GRID2: variants seen among roughly 807,000 people sequenced by gnomAD.
GRID2 encodes the protein glutamate ionotropic receptor delta type subunit 2, also known as glutamate receptor ionotropic, delta-2.
GRID2 carries 33 observed loss-of-function variants against 114.8 expected under a neutral mutation model. The observed-to-expected ratio is 0.29, with a 90% CI of 0.22 to 0.38. The LOEUF is 0.38. Ranked by LOEUF, GRID2 falls within the 10% of genes least tolerant of loss-of-function variation. The pLI, the probability that GRID2 is intolerant of heterozygous loss-of-function variation, is 1.00. For synonymous variants in GRID2, 505 were observed against 449.9 expected, an observed-to-expected ratio of 1.12 and a Z score of -1.55; for missense variants, 1,184 against 1,257.7, an observed-to-expected ratio of 0.94 and a Z score of 0.89.
chr4:92,814,269 A>C (rs2149381176), intron 2 of GRID2, among the ~76,000 whole-genome samples: 1 of 152,302 alleles, frequency 6.6e-6, no homozygotes, highest in East Asian at 1.9e-4. Context: ...ATTTGGAGAA[A>C]GTTTTACATA....
At chr4:92,652,429 G>T (rs1451539273) in intron 2 of GRID2, among the ~76,000 whole-genome samples, 1 of 151,630 alleles carries the variant, frequency 6.6e-6, no homozygotes, top group Non-Finnish European at 1.5e-5. Flanking sequence ...AATATTCCCA[G>T]AACTTTGGGA....
At chr4:92,465,843 C>G (rs184997180) in intron 1 of GRID2, among the ~76,000 whole-genome samples, 1 of 151,834 alleles carries the variant, frequency 6.6e-6, no homozygotes, top group Non-Finnish European at 1.5e-5. Flanking sequence ...TTGCATAAAT[C>G]CTGACTTATA....
intron 1 of GRID2, among the ~76,000 whole-genome samples, chr4:92,316,975 A>T (rs897791900): frequency 2.0e-5 from 3 of 152,200 alleles, no homozygotes; most frequent in African/African-American, 4.8e-5. Context: ...TTAAAAATAG[A>T]TGTCAGTAAT....
intron 14 of GRID2, among the ~76,000 whole-genome samples, chr4:93,748,520 A>C (rs1732039954): frequency 6.6e-6 from 1 of 152,298 alleles, no homozygotes; most frequent in Middle Eastern, 3.4e-3. Flanking sequence ...AATTAGTTGA[A>C]ACTTGTCTTT....
At chr4:92,350,271 T>C (rs183134694) in intron 1 of GRID2, among the ~76,000 whole-genome samples, 85 of 151,970 alleles carry the variant, frequency 5.6e-4, no homozygotes, top group African/African-American at 1.9e-3. Context: ...TGCTGTTTCC[T>C]CCAACAAATG....
chr4:93,647,223 A>T (rs373476593), intron 14 of GRID2, among the ~76,000 whole-genome samples: 1 of 152,184 alleles, frequency 6.6e-6, no homozygotes, highest in African/African-American at 2.4e-5. Context: ...CCTTTTTATA[A>T]AGTTCCTAAA....
chr4:93,242,313 AGGG>A (rs1747621369), intron 8 of GRID2, among the ~76,000 whole-genome samples: 1 of 87,560 alleles, frequency 1.1e-5, no homozygotes, highest in Admixed American at 1.5e-4. Flanking sequence ...AAGAAATGCC[AGGG>A]AGGGCTATTG....
chr4:93,104,588 G>A (rs1173721510), intron 3 of GRID2, among the ~76,000 whole-genome samples: 1 of 152,002 alleles, frequency 6.6e-6, no homozygotes, highest in Non-Finnish European at 1.5e-5. Context: ...ATAGTTTACT[G>A]AGAATGATGA....
At chr4:93,725,710 G>T (rs1197523845) in intron 14 of GRID2, among the ~76,000 whole-genome samples, 2 of 151,512 alleles carry the variant, frequency 1.3e-5, no homozygotes, top group African/African-American at 4.9e-5. Context: ...TTGTGGTTTT[G>T]ATTTGCATTT....
chr4:93,486,995 T>C (rs1266392842), intron 11 of GRID2, among the ~76,000 whole-genome samples: 1 of 151,862 alleles, frequency 6.6e-6, no homozygotes, highest in African/African-American at 2.4e-5. Context: ...ATTCCGGATT[T>C]GAAATCTTTG....
At chr4:92,435,567 A>G (rs1732698326) in intron 1 of GRID2, among the ~76,000 whole-genome samples, 1 of 152,226 alleles carries the variant, frequency 6.6e-6, no homozygotes, top group Non-Finnish European at 1.5e-5. Flanking sequence ...GACTATGTGA[A>G]TCACAACATA....
chr4:93,754,739 A>G (rs778905787), intron 14 of GRID2, among the ~76,000 whole-genome samples: 2 of 152,198 alleles, frequency 1.3e-5, no homozygotes, highest in Admixed American at 1.3e-4. Flanking sequence ...TCAGATGCCT[A>G]CTTAGCTGGG....
chr4:93,050,975 T>C (rs1726653441), intron 2 of GRID2, among the ~76,000 whole-genome samples: 1 of 152,050 alleles, frequency 6.6e-6, no homozygotes, highest in Non-Finnish European at 1.5e-5. Flanking sequence ...GCTTTTTAAA[T>C]GCTGAATATA....
At chr4:92,855,251 CCTCTGT>C (rs1744093872) in intron 2 of GRID2, among the ~76,000 whole-genome samples, 1 of 151,998 alleles carries the variant, frequency 6.6e-6, no homozygotes, top group Non-Finnish European at 1.5e-5. Flanking sequence ...TAAGTTTCTA[CCTCTGT>C]ATGTCACTTT....
intron 4 of GRID2, among the ~76,000 whole-genome samples, chr4:93,175,328 G>A (rs1456307703): frequency 1.3e-5 from 2 of 151,958 alleles, no homozygotes; most frequent in African/African-American, 4.8e-5. Flanking sequence ...GTACCACCAT[G>A]CCCAGATAAT....
At chr4:93,494,391 T>G (rs945696586) in intron 12 of GRID2, among the ~76,000 whole-genome samples, 2 of 151,256 alleles carry the variant, frequency 1.3e-5, no homozygotes, top group African/African-American at 4.9e-5. Context: ...GGGAGAGAAA[T>G]CAGCTTCTTT....
intron 2 of GRID2, among the ~76,000 whole-genome samples, chr4:92,810,157 C>G (rs2149378306): frequency 6.6e-6 from 1 of 151,674 alleles, no homozygotes; most frequent in East Asian, 1.9e-4. Context: ...TTGAATGTCA[C>G]TTATGTCTCT....
chr4:93,703,806 C>G (rs1212677367), intron 14 of GRID2, among the ~76,000 whole-genome samples: 1 of 152,052 alleles, frequency 6.6e-6, no homozygotes, highest in East Asian at 1.9e-4. Flanking sequence ...TCATCCATGT[C>G]CCTACAAAGG....
At chr4:93,525,197 G>A (rs759348045) in intron 13 of GRID2, among the ~76,000 whole-genome samples, 4 of 151,980 alleles carry the variant, frequency 2.6e-5, no homozygotes, top group Admixed American at 6.6e-5. Context: ...TGAAGGATGA[G>A]GCTACTTCAG....
Sources: gnomAD v4.1 joint callset for allele counts (sites outside exome capture counted in the v4.1 genomes callset) on GRCh38, gnomAD v4.1.1 for gene constraint, MANE v1.5 for transcripts, NCBI Gene and HGNC (gene_info 2026-07-23, HGNC 2026-07-21) for gene names.